Variants in TRIM29 observed in about 807,000 individuals in gnomAD.
TRIM29 encodes the protein tripartite motif containing 29, also known as tripartite motif-containing protein 29.
Under a neutral mutation model 57.3 loss-of-function variants are expected in TRIM29, and 52 were observed. That is an observed-to-expected ratio of 0.91 (90% CI 0.73 to 1.14). TRIM29 has a LOEUF of 1.14. Ranked by LOEUF, TRIM29 falls within the 50% of genes most tolerant of loss-of-function variation. The probability of loss-of-function intolerance (pLI) is 0.00; values close to 1 mark genes in which losing one functional copy is unlikely to be tolerated. For missense variants in TRIM29, 753 were observed against 774.6 expected, an observed-to-expected ratio of 0.97 and a Z score of 0.33; for synonymous variants, 319 against 316.9, an observed-to-expected ratio of 1.01 and a Z score of -0.07.
At position 120,137,543 on chromosome 11, in the gene TRIM29, C is replaced by T; in HGVS notation, c.489G>A (p.Arg163=). 6.2e-7 allele frequency: 1 copy of T among 1,608,940 alleles called. No homozygotes were observed. Among genetic ancestry groups the T allele is most frequent in the Non-Finnish European group, 8.5e-7 (1 of 1,179,958 alleles). ...GCACCTCCTCGGAGCCGGACTTGGA[C>T]CGTGAAAAAAGGCCCGTGTCGGCCC... ...YPRADTGLFS[R]SKSGSEEVLC... is the part of the protein sequence containing the mutation. Residue 163 remains arginine, a synonymous_variant, in exon 1 of 9, where the codon CGG becomes CGA. Coordinates refer to ENST00000341846, the MANE Select transcript of TRIM29 (RefSeq NM_012101.4). The surrounding 1 kb of genome is among the most constrained non-coding windows in gnomAD (Gnocchi z 6.2).
intron 5 of TRIM29, chr11:120,121,827 G>A: frequency 2.7e-6 from 1 of 367,234 alleles, no homozygotes; most frequent in South Asian, 1.9e-5. Context: ...GGCACCCCAG[G>A]GCCTGGTCCA....
At chr11:120,113,200 T>A (rs951698953) in intron 8 of TRIM29, among the ~76,000 whole-genome samples, 1 of 152,172 alleles carries the variant, frequency 6.6e-6, no homozygotes, top group African/African-American at 2.4e-5. Context: ...TCTCTCGTCC[T>A]GTTCCTCTTC....
At position 120,130,458 on chromosome 11, in the gene TRIM29, C is replaced by G. The variant is rs185022766; in HGVS notation, c.805-1963G>C. On this transcript the variant is annotated intron_variant, in intron 1 of 8. Coordinates refer to ENST00000341846, the MANE Select transcript of TRIM29 (RefSeq NM_012101.4). ...CCAGGGCCCAGCGCTGGTAAAAGTC[C>G]TGTCTCAAATAGGAGATGGGCAGCC... is the stretch of plus-strand genomic sequence containing the variant. Among the ~76,000 whole-genome samples, 596 of 152,322 alleles carry G rather than the reference C, an allele frequency of 3.9e-3. 5 individuals carry two copies. The highest frequency in any genetic ancestry group is 0.012 in the African/African-American group (505 of 41,570).
intron 1 of TRIM29, chr11:120,128,896 C>T (rs1308502346): frequency 1.4e-6 from 2 of 1,446,056 alleles, no homozygotes; most frequent in South Asian, 1.4e-5. Flanking sequence ...CAGCCCAGCC[C>T]AGCCCAGGGA....
chr11:120,117,171 C>G (rs891509945), intron 7 of TRIM29: 1 of 252,948 alleles, frequency 4.0e-6, no homozygotes, highest in Non-Finnish European at 7.9e-6. Flanking sequence ...GGCCACCTCC[C>G]CTGCCAGGTG....
chr11:120,113,521 C>T (rs925167171), intron 8 of TRIM29: 19 of 418,802 alleles, frequency 4.5e-5, no homozygotes, highest in Non-Finnish European at 8.2e-5. Context: ...ACATCATTTG[C>T]CCCTCACACA....
intron 1 of TRIM29, among the ~76,000 whole-genome samples, chr11:120,133,686 C>T (rs1420004798): frequency 6.6e-6 from 1 of 152,240 alleles, no homozygotes; most frequent in Non-Finnish European, 1.5e-5. Flanking sequence ...CCTGGGCAGA[C>T]CAGCGCTGCT....
At chr11:120,115,956 A>G (rs1244841707) in intron 7 of TRIM29, 2 of 155,830 alleles carry the variant, frequency 1.3e-5, no homozygotes, top group Non-Finnish European at 2.9e-5. Flanking sequence ...TGAGCTCAGC[A>G]GTCTGCCTGA....
chr11:120,128,317 T>C, intron 2 of TRIM29, 83 bp downstream of exon 2: 1 of 1,239,030 alleles, frequency 8.1e-7, no homozygotes, highest in East Asian at 2.3e-5. Context: ...GGCCTGGGAC[T>C]CAAATGGGAG....
chr11:120,112,536 C>A (rs1002178063), intron 8 of TRIM29, 60 bp from the exon 9 acceptor site: 2 of 1,577,040 alleles, frequency 1.3e-6, no homozygotes, highest in African/African-American at 1.4e-5. Context: ...GCTAGCTAGA[C>A]CCACCCTACC....
At position 120,120,874 on chromosome 11, in the gene TRIM29, G is replaced by A. The variant is rs572777865; in HGVS notation, c.1436-209C>T. On this transcript the variant is annotated intron_variant, in intron 5 of 8. Transcript: ENST00000341846. ...AGGACTCTGTTAGTAACCGTGCAGA[G>A]AGCATCAGCATAAACTTGGAGAGGC... 17 of 665,652 alleles carry A rather than the reference G, an allele frequency of 2.6e-5. No homozygotes were observed. The East Asian group carries it at 2.9e-4, about 12-fold the overall frequency. The allele number at this position is 665,652 out of a possible 1,614,324, so 41.2% of individuals were successfully genotyped here.
intron 3 of TRIM29, 187 bp from the exon 4 acceptor site, chr11:120,126,076 C>G: frequency 1.6e-6 from 1 of 615,332 alleles, no homozygotes. Context: ...GCTAACATCC[C>G]TGATGGCACT....
intron 4 of TRIM29, 147 bp from the exon 5 acceptor site, chr11:120,123,202 A>C: frequency 1.4e-6 from 1 of 721,100 alleles, no homozygotes; most frequent in Non-Finnish European, 2.5e-6. Context: ...CTCAGAGAAT[A>C]TGACGCCCTG....
intron 1 of TRIM29, among the ~76,000 whole-genome samples, chr11:120,129,493 G>C (rs1170607976): frequency 2.6e-5 from 4 of 152,166 alleles, no homozygotes; most frequent in African/African-American, 9.7e-5. Flanking sequence ...TTTGAATGCA[G>C]AGTCCCACCC....
In TRIM29 at chr11:120,137,159, A is replaced by G; in HGVS notation, c.804+69T>C. On this transcript the variant is annotated intron_variant, in intron 1 of 8. Transcript: ENST00000341846. The surrounding 1 kb of genome is among the most constrained non-coding windows in gnomAD (Gnocchi z 6.2). ...AAACCCGAGGAAGCCCGAGTGGAGA[A>G]GATGAAGTTCGGAGGGGTGGGGTGA... is the stretch of plus-strand genomic sequence containing the variant. 6.4e-7 allele frequency: 1 copy of G among 1,550,648 alleles called. No individual in the cohort carries two copies. Among genetic ancestry groups the G allele is most frequent in the Non-Finnish European group, 8.8e-7 (1 of 1,136,522 alleles).
intron 1 of TRIM29, among the ~76,000 whole-genome samples, chr11:120,134,386 T>C (rs960962873): frequency 6.6e-6 from 1 of 152,184 alleles, no homozygotes; most frequent in African/African-American, 2.4e-5. Context: ...CGGAACGGGT[T>C]CTGAACAAAG....
At chr11:120,121,260 C>T in intron 5 of TRIM29, 1 of 223,294 alleles carries the variant, frequency 4.5e-6, no homozygotes, top group South Asian at 7.0e-5. Flanking sequence ...CCTGTGTTCC[C>T]TGATGCCCTC....
intron 7 of TRIM29, chr11:120,116,966 AT>A: frequency 2.4e-6 from 1 of 415,526 alleles, no homozygotes; most frequent in Non-Finnish European, 4.7e-6. Flanking sequence ...TACCGGGATT[AT>A]TTTTAGACAG....
At chr11:120,118,617 C>G (rs913892095) in intron 6 of TRIM29, among the ~76,000 whole-genome samples, 1 of 151,948 alleles carries the variant, frequency 6.6e-6, no homozygotes, top group Admixed American at 6.6e-5. Context: ...CAACCCCCAC[C>G]ACCCACCCAC....
Sources: allele counts gnomAD v4.1 joint callset (sites outside exome capture counted in the v4.1 genomes callset), GRCh38; gene constraint gnomAD v4.1.1; non-coding constraint Gnocchi (gnomAD v3.1); transcripts MANE v1.5; gene names NCBI Gene and HGNC (gene_info 2026-07-23, HGNC 2026-07-21).